UBE2G2: variants seen among roughly 807,000 people sequenced by gnomAD.
UBE2G2 encodes ubiquitin-conjugating enzyme E2 G2.
UBE2G2 carries 10 observed loss-of-function variants against 23.0 expected under a neutral mutation model. That is an observed-to-expected ratio of 0.43 (90% CI 0.27 to 0.74). UBE2G2 has a LOEUF of 0.74. Among genes scored for constraint, UBE2G2 ranks in the 30% least tolerant of loss-of-function variants. UBE2G2 has a pLI of 0.19. For synonymous variants in UBE2G2, 86 were observed against 81.3 expected (o/e 1.06, Z -0.31); for missense variants, 150 against 218.3 (o/e 0.69, Z 1.97).
In UBE2G2 at chr21:44,784,218, G is replaced by A. The variant is rs149885899; in HGVS notation, c.125+3702C>T. On this transcript the variant is annotated intron_variant, in intron 3 of 5. Transcript: ENST00000345496. ...GGAGGGGAGAAAGGAAGAGAGAGAG[G>A]AGGGAGGAGAGGAGAGGAAGGAAGG... 9.9e-4 allele frequency among the ~76,000 whole-genome samples: 151 copies of A among 152,146 alleles called. 5 individuals are homozygous for A. In the East Asian group the frequency reaches 0.025, roughly 25 times the overall value.
At chr21:44,798,264 G>T (rs55743537) in intron 1 of UBE2G2, among the ~76,000 whole-genome samples, 1 of 152,162 alleles carries the variant, frequency 6.6e-6, no homozygotes, top group South Asian at 2.1e-4. Context: ...TCTTTTTGCC[G>T]GTGCAGTCTT....
intron 1 of UBE2G2, among the ~76,000 whole-genome samples, chr21:44,795,900 G>A (rs2083085155): frequency 6.6e-6 from 1 of 152,178 alleles, no homozygotes; most frequent in Non-Finnish European, 1.5e-5. Flanking sequence ...TGCGAAGATG[G>A]AGGCAGAGAT....
At chr21:44,776,625 G>A (rs1555960616) in intron 4 of UBE2G2, among the ~76,000 whole-genome samples, 1 of 152,174 alleles carries the variant, frequency 6.6e-6, no homozygotes, top group Non-Finnish European at 1.5e-5. Context: ...TGTCATGGGA[G>A]GGACCCAGTG....
In UBE2G2 at chr21:44,773,649, C is replaced by G; in HGVS notation, c.283G>C (p.Ala95Pro). 30 of 1,612,810 alleles carry G rather than the reference C, an allele frequency of 1.9e-5. No homozygotes were observed. Among genetic ancestry groups the G allele is most frequent in the Non-Finnish European group, 2.5e-5 (30 of 1,180,028 alleles). The change falls in exon 5 of 6, where the codon GCG becomes CCG. Residue 95 changes from alanine to proline, a missense_variant. Coordinates refer to ENST00000345496, the MANE Select transcript of UBE2G2 (RefSeq NM_003343.6). ...TAGCCCATGGGGTCATCGCCTGGCG[C>G]GTGGAGGATGGAAATGCAGACTCTC... ...DGRVCISILH[A>P]PGDDPMGYES... is the part of the protein sequence containing the mutation.
At chr21:44,791,837 C>T (rs1428527257) in intron 1 of UBE2G2, among the ~76,000 whole-genome samples, 2 of 151,984 alleles carry the variant, frequency 1.3e-5, no homozygotes, top group Non-Finnish European at 2.9e-5. Flanking sequence ...CAATGCCCAC[C>T]ATGAAAGTAG....
intron 3 of UBE2G2, among the ~76,000 whole-genome samples, chr21:44,782,786 C>T (rs547964867): frequency 1.8e-4 from 28 of 152,218 alleles, no homozygotes; most frequent in Non-Finnish European, 3.8e-4. Flanking sequence ...GACACTAAGT[C>T]AATCAAAATA....
intron 1 of UBE2G2, among the ~76,000 whole-genome samples, chr21:44,794,566 G>A (rs1487471438): frequency 2.1e-5 from 3 of 142,182 alleles, no homozygotes; most frequent in Non-Finnish European, 4.5e-5. Flanking sequence ...ACGGAGTCTC[G>A]CTCTGTCACC....
At position 44,788,293 on chromosome 21, in the gene UBE2G2, T is replaced by TG. The variant is rs553668754; in HGVS notation, c.44-199_44-198insC. 1.5e-4 allele frequency among the ~76,000 whole-genome samples: 23 copies of TG among 148,454 alleles called. No individual in the cohort carries two copies. The South Asian group carries it at 3.3e-3, about 21-fold the overall frequency. The stretch of plus-strand genomic sequence containing the variant: ...AACTACACAAAGTTTTTTTGTTTTT[T>TG]TTTTGTTTTTTTTTGAGACGGAGTC... On this transcript the variant is annotated intron_variant, in intron 1 of 5. Coordinates refer to ENST00000345496, the MANE Select transcript of UBE2G2 (RefSeq NM_003343.6).
intron 1 of UBE2G2, among the ~76,000 whole-genome samples, chr21:44,793,361 G>A (rs1425136349): frequency 6.6e-6 from 1 of 152,148 alleles, no homozygotes; most frequent in Non-Finnish European, 1.5e-5. Flanking sequence ...ACTCCCCTGC[G>A]TGACACCCTC....
chr21:44,796,729 G>C (rs2083092967), intron 1 of UBE2G2, among the ~76,000 whole-genome samples: 2 of 152,220 alleles, frequency 1.3e-5, no homozygotes, highest in Non-Finnish European at 2.9e-5. Flanking sequence ...GCATGGGCCA[G>C]CTAGTTCTCT....
intron 4 of UBE2G2, among the ~76,000 whole-genome samples, chr21:44,776,131 T>C (rs1307570004): frequency 6.6e-6 from 1 of 151,232 alleles, no homozygotes; most frequent in Admixed American, 6.6e-5. Context: ...GGTGGGGGGG[T>C]AGTCCTGAAA....
In UBE2G2 at chr21:44,768,992, G is replaced by C. The variant is rs552830315; in HGVS notation, c.*2385C>G. ...TGGGATGATCTGGTGTGCTCCCTGG[G>C]GGCAGTGGCCACAGGCTCCTCTGAC... On this transcript the variant is annotated 3_prime_UTR_variant, in exon 6 of 6. Coordinates refer to ENST00000345496, the MANE Select transcript of UBE2G2 (RefSeq NM_003343.6). 6.6e-6 allele frequency: 1 copy of C among 152,076 alleles called. No homozygotes were observed. The highest frequency in any genetic ancestry group is 2.1e-4 in the South Asian group (1 of 4,816). 9.4% of individuals were successfully genotyped at this position (152,076 alleles called of 1,614,324 possible). A position where few individuals can be genotyped will look rare whatever the true frequency, so the allele number is the denominator to read the frequency against.
intron 3 of UBE2G2, among the ~76,000 whole-genome samples, chr21:44,783,438 T>A (rs1430882482): frequency 6.6e-6 from 1 of 152,240 alleles, no homozygotes. Context: ...ATGAACTCCA[T>A]GTCCACACAG....
chr21:44,792,484 C>G (rs934264473), intron 1 of UBE2G2, among the ~76,000 whole-genome samples: 31 of 152,154 alleles, frequency 2.0e-4, no homozygotes, highest in Admixed American at 6.5e-5. Flanking sequence ...AAGTGTGTGG[C>G]AAGTTCTTCC....
chr21:44,782,941 A>G (rs1264281265), intron 3 of UBE2G2, among the ~76,000 whole-genome samples: 1 of 152,266 alleles, frequency 6.6e-6, no homozygotes, highest in Non-Finnish European at 1.5e-5. Flanking sequence ...CTTCATCAAA[A>G]TTAACAACTT....
chr21:44,789,102 G>A (rs1022425768), intron 1 of UBE2G2, among the ~76,000 whole-genome samples: 1 of 151,908 alleles, frequency 6.6e-6, no homozygotes, highest in East Asian at 1.9e-4. Context: ...AATAAACAGA[G>A]GGCCAGGCGC....
chr21:44,776,986 G>C, intron 4 of UBE2G2: 1 of 234,328 alleles, frequency 4.3e-6, no homozygotes, highest in Middle Eastern at 1.3e-3. Flanking sequence ...ATAACACTAT[G>C]ACAAAGATTA....
intron 4 of UBE2G2, chr21:44,775,431 C>T (rs2082906469): frequency 6.6e-6 from 1 of 152,228 alleles, no homozygotes; most frequent in Admixed American, 6.5e-5. Flanking sequence ...CAGCAACTTT[C>T]AGTACGTGTG....
intron 1 of UBE2G2, among the ~76,000 whole-genome samples, chr21:44,795,386 C>G (rs527303484): frequency 6.6e-6 from 1 of 152,144 alleles, no homozygotes; most frequent in Non-Finnish European, 1.5e-5. Context: ...AATTCCAACA[C>G]TTTGGAAGGC....
Sources: allele counts gnomAD v4.1 joint callset (sites outside exome capture counted in the v4.1 genomes callset), GRCh38; gene constraint gnomAD v4.1.1; transcripts MANE v1.5; gene names NCBI Gene and HGNC (gene_info 2026-07-23, HGNC 2026-07-21).